The following RANBP2 variants were observed in gnomAD, a reference collection of about 807,000 sequenced individuals.
RANBP2 encodes E3 SUMO-protein ligase RanBP2.
Under a neutral mutation model 303.6 loss-of-function variants are expected in RANBP2, and 57 were observed. The ratio of observed to expected loss-of-function variants is 0.19; its 90% CI spans 0.15 to 0.23. The LOEUF is 0.23. Ranked by LOEUF, RANBP2 falls within the 10% of genes least tolerant of loss-of-function variation. RANBP2 has a pLI of 1.00. For synonymous variants in RANBP2, 1,167 were observed against 1,301.5 expected (o/e 0.90, Z 2.23); for missense variants, 3,138 against 3,780.8 (o/e 0.83, Z 4.46).
the RANBP2 span, among the ~76,000 whole-genome samples, chr2:109,540,171 A>G: frequency 6.6e-6 from 1 of 152,172 alleles, no homozygotes; most frequent in East Asian, 1.9e-4. Flanking sequence ...TCATTCCTTT[A>G]AAAGGTATTA....
At chr2:109,341,497 C>T in the RANBP2 span, among the ~76,000 whole-genome samples, 8 of 152,288 alleles carry the variant, frequency 5.3e-5, no homozygotes, top group East Asian at 3.9e-4. Context: ...AAAATGCTTA[C>T]GAGCTAAAGA....
the RANBP2 span, among the ~76,000 whole-genome samples, chr2:109,538,975 A>C: frequency 6.6e-6 from 1 of 152,232 alleles, no homozygotes; most frequent in Non-Finnish European, 1.5e-5. Context: ...CTTTTGAAGA[A>C]AACAGGTTTG....
At chr2:109,385,960 A>G in the RANBP2 span, among the ~76,000 whole-genome samples, 2 of 152,210 alleles carry the variant, frequency 1.3e-5, no homozygotes, top group African/African-American at 4.8e-5. Context: ...ACCTGTTTTT[A>G]AATATGTCCC....
the RANBP2 span, among the ~76,000 whole-genome samples, chr2:109,676,776 C>T: frequency 2.6e-5 from 4 of 152,312 alleles, no homozygotes; most frequent in Admixed American, 1.3e-4. Context: ...AGCTCTGCCA[C>T]GCCCAGCATC....
At chr2:109,465,122 T>C in the RANBP2 span, among the ~76,000 whole-genome samples, 1 of 152,244 alleles carries the variant, frequency 6.6e-6, no homozygotes, top group African/African-American at 2.4e-5. Flanking sequence ...TGCATTTACG[T>C]TTCCTCCATG....
At chr2:108,853,949 A>T in the RANBP2 span, among the ~76,000 whole-genome samples, 3 of 122,722 alleles carry the variant, frequency 2.4e-5, no homozygotes, top group African/African-American at 9.4e-5. Flanking sequence ...TATAATATAC[A>T]ATAAATATAT....
chr2:109,536,869 C>A, the RANBP2 span, among the ~76,000 whole-genome samples: 1 of 152,128 alleles, frequency 6.6e-6, no homozygotes, highest in Admixed American at 6.5e-5. Context: ...GAGGAGTTCC[C>A]CTGCACAAGC....
chr2:109,598,124 G>A, the RANBP2 span, among the ~76,000 whole-genome samples: 3 of 152,016 alleles, frequency 2.0e-5, no homozygotes, highest in Non-Finnish European at 4.4e-5. Context: ...GTGCAATGGC[G>A]TGATCTCAGC....
the RANBP2 span, among the ~76,000 whole-genome samples, chr2:108,863,974 C>T: frequency 6.6e-6 from 1 of 152,174 alleles, no homozygotes; most frequent in Admixed American, 6.5e-5. Context: ...GATTGGTTTG[C>T]ATCCCCTTGT....
At chr2:109,727,831 G>T in the RANBP2 span, among the ~76,000 whole-genome samples, 1 of 152,280 alleles carries the variant, frequency 6.6e-6, no homozygotes, top group African/African-American at 2.4e-5. Flanking sequence ...AATACCTACA[G>T]TATGTTTTTA....
the RANBP2 span, among the ~76,000 whole-genome samples, chr2:109,192,841 C>T: frequency 8.5e-5 from 13 of 152,184 alleles, no homozygotes; most frequent in African/African-American, 2.4e-4. Flanking sequence ...ATTCACCATA[C>T]ATTTCTCCTG....
At chr2:109,610,223 G>A in the RANBP2 span, among the ~76,000 whole-genome samples, 1 of 151,962 alleles carries the variant, frequency 6.6e-6, no homozygotes, top group Non-Finnish European at 1.5e-5. Flanking sequence ...CAAGTAGTTG[G>A]GACTACAGGC....
intron 28 of RANBP2, among the ~76,000 whole-genome samples, chr2:108,783,335 A>T (rs1305028854): frequency 1.5e-5 from 2 of 134,238 alleles, no homozygotes; most frequent in African/African-American, 5.8e-5. Flanking sequence ...CCTGTCATTA[A>T]AAAAAAAAAA....
At chr2:108,794,990 A>G in the RANBP2 span, among the ~76,000 whole-genome samples, 12 of 152,088 alleles carry the variant, frequency 7.9e-5, no homozygotes, top group Non-Finnish European at 1.8e-4. Context: ...ATCCTTACTT[A>G]AGTAATAAAA....
chr2:109,671,255 T>A, the RANBP2 span, among the ~76,000 whole-genome samples: 2 of 152,184 alleles, frequency 1.3e-5, no homozygotes, highest in Non-Finnish European at 2.9e-5. Context: ...TGACAGAGAC[T>A]GTAGCATGCC....
the RANBP2 span, among the ~76,000 whole-genome samples, chr2:109,604,279 G>A: frequency 1.3e-5 from 2 of 148,740 alleles, no homozygotes; most frequent in Non-Finnish European, 3.0e-5. Flanking sequence ...AGGAGGCAGA[G>A]GTTGCAGTGG....
chr2:109,576,884 G>A, the RANBP2 span, among the ~76,000 whole-genome samples: 47 of 152,012 alleles, frequency 3.1e-4, no homozygotes, highest in East Asian at 8.7e-3. Context: ...AGTTTTCAAA[G>A]GAAAAAAACA....
chr2:109,238,770 T>C, the RANBP2 span, among the ~76,000 whole-genome samples: 1 of 152,206 alleles, frequency 6.6e-6, no homozygotes, highest in East Asian at 1.9e-4. Flanking sequence ...CCTCTGTGGC[T>C]CTTGCAATAC....
At chr2:109,029,637 G>A in the RANBP2 span, among the ~76,000 whole-genome samples, 7 of 152,280 alleles carry the variant, frequency 4.6e-5, no homozygotes, top group Admixed American at 3.3e-4. Context: ...TGACCCTGGG[G>A]AGCCCTCCCT....
Sources: allele counts gnomAD v4.1 joint callset (sites outside exome capture counted in the v4.1 genomes callset), GRCh38; gene constraint gnomAD v4.1.1; transcripts MANE v1.5; gene names NCBI Gene and HGNC (gene_info 2026-07-23, HGNC 2026-07-21).